CADM2: variants seen among roughly 807,000 people sequenced by gnomAD.
CADM2 encodes the protein cell adhesion molecule 2.
CADM2 carries 12 observed loss-of-function variants against 49.8 expected under a neutral mutation model. That is an observed-to-expected ratio of 0.24 (90% CI 0.15 to 0.39). The LOEUF (loss-of-function observed/expected upper bound fraction) is 0.39, where lower values mean the gene tolerates loss of function less well. CADM2 is among the 10% of genes least tolerant of loss of function. The pLI is 1.00. For synonymous variants in CADM2, 214 were observed against 175.4 expected (o/e 1.22, Z -1.74); for missense variants, 378 against 492.3 (o/e 0.77, Z 2.20).
chr3:85,422,768 C>T (rs897743910), intron 1 of CADM2, among the ~76,000 whole-genome samples: 5 of 151,944 alleles, frequency 3.3e-5, no homozygotes, highest in African/African-American at 4.8e-5. Context: ...TGGCTGGGCT[C>T]AAACCCCTTA....
intron 8 of CADM2, among the ~76,000 whole-genome samples, chr3:85,962,607 A>C (rs1311797020): frequency 6.6e-6 from 1 of 151,970 alleles, no homozygotes; most frequent in Admixed American, 6.6e-5. Context: ...AGATATTGTT[A>C]GATGGAGATG....
At chr3:85,012,124 T>C (rs924344033) in intron 1 of CADM2, among the ~76,000 whole-genome samples, 3 of 151,440 alleles carry the variant, frequency 2.0e-5, no homozygotes, top group African/African-American at 7.3e-5. Context: ...AAACTGATTT[T>C]TCAGTAATAA....
intron 1 of CADM2, among the ~76,000 whole-genome samples, chr3:85,105,610 C>T (rs1326444963): frequency 1.3e-5 from 2 of 152,092 alleles, no homozygotes; most frequent in African/African-American, 2.4e-5. Context: ...ACCCAAGGGA[C>T]TATAAATCAT....
intron 1 of CADM2, among the ~76,000 whole-genome samples, chr3:84,993,932 C>G (rs889004812): frequency 6.6e-6 from 1 of 152,062 alleles, no homozygotes; most frequent in Non-Finnish European, 1.5e-5. Flanking sequence ...TGATACACCC[C>G]CAAAATAGTA....
Position 85,663,703 on chromosome 3 carries a change from G to C in CADM2, c.62-62819G>C, listed in dbSNP as rs145837701. Among the ~76,000 whole-genome samples the C allele has an allele frequency of 2.2e-3, 327 of 152,034 alleles. 1 individual carries two copies. Among genetic ancestry groups the C allele is most frequent in the African/African-American group, 6.9e-3 (287 of 41,486 alleles). The stretch of plus-strand genomic sequence containing the variant: ...CATCAGATGTTTTCAACTTCCCACA[G>C]GATCTTTCTTAACAGCATAAAAGCA... On this transcript the variant is annotated intron_variant, in intron 1 of 9. Coordinates refer to ENST00000383699, the MANE Select transcript of CADM2 (RefSeq NM_001167675.2).
At chr3:85,683,311 T>C (rs943977942) in intron 1 of CADM2, among the ~76,000 whole-genome samples, 12 of 152,278 alleles carry the variant, frequency 7.9e-5, no homozygotes, top group African/African-American at 2.4e-4. Context: ...TTATTCAGAA[T>C]TACCCTAACA....
At chr3:85,033,359 C>G (rs1163758539) in intron 1 of CADM2, among the ~76,000 whole-genome samples, 1 of 152,118 alleles carries the variant, frequency 6.6e-6, no homozygotes, top group African/African-American at 2.4e-5. Flanking sequence ...TGTGTTTACA[C>G]TGTTTTCTTT....
intron 1 of CADM2, among the ~76,000 whole-genome samples, chr3:85,398,100 C>T (rs1359855353): frequency 6.6e-6 from 1 of 152,000 alleles, no homozygotes; most frequent in Non-Finnish European, 1.5e-5. Context: ...TGGTGTGCTG[C>T]ACCCATTAAC....
chr3:85,876,510 A>G (rs967293892), intron 3 of CADM2, among the ~76,000 whole-genome samples: 2 of 152,154 alleles, frequency 1.3e-5, no homozygotes, highest in Non-Finnish European at 2.9e-5. Context: ...TTCATGTCCA[A>G]TGGGTGAACT....
intron 1 of CADM2, among the ~76,000 whole-genome samples, chr3:85,107,178 TTAAA>T (rs2038260074): frequency 6.6e-6 from 1 of 152,186 alleles, no homozygotes; most frequent in African/African-American, 2.4e-5. Flanking sequence ...ATTGATACTC[TTAAA>T]TAAATTTATG....
intron 1 of CADM2, among the ~76,000 whole-genome samples, chr3:85,220,752 G>A (rs983852253): frequency 6.6e-6 from 1 of 152,064 alleles, no homozygotes; most frequent in Non-Finnish European, 1.5e-5. Context: ...ACCGCCTTAG[G>A]AGAAATGATC....
intron 9 of CADM2, among the ~76,000 whole-genome samples, chr3:86,066,183 T>C (rs1482172789): frequency 6.6e-6 from 1 of 151,618 alleles, no homozygotes; most frequent in Non-Finnish European, 1.5e-5. Flanking sequence ...AAGTTTGACA[T>C]GACCGTTTTT....
chr3:85,399,059 A>G (rs1249458041), intron 1 of CADM2, among the ~76,000 whole-genome samples: 1 of 152,122 alleles, frequency 6.6e-6, no homozygotes, highest in Non-Finnish European at 1.5e-5. Context: ...TTGGTGTTTT[A>G]GACATGAAGT....
intron 3 of CADM2, 48 bp from the exon 4 acceptor site, chr3:85,883,243 A>T (rs1471534532): frequency 6.7e-7 from 1 of 1,493,330 alleles, no homozygotes; most frequent in Non-Finnish European, 9.2e-7. Context: ...AAAAATACTG[A>T]CTGTTTCTGA....
At chr3:85,649,482 A>G (rs1298872777) in intron 1 of CADM2, among the ~76,000 whole-genome samples, 1 of 152,190 alleles carries the variant, frequency 6.6e-6, no homozygotes, top group African/African-American at 2.4e-5. Flanking sequence ...TAAAGAAAAC[A>G]TATTCTAAAA....
chr3:85,681,453 A>G (rs986107745), intron 1 of CADM2, among the ~76,000 whole-genome samples: 1 of 152,142 alleles, frequency 6.6e-6, no homozygotes, highest in African/African-American at 2.4e-5. Context: ...AAATTTAATG[A>G]ACATATTGAA....
chr3:85,474,874 C>G (rs1030207991), intron 1 of CADM2, among the ~76,000 whole-genome samples: 1 of 151,740 alleles, frequency 6.6e-6, no homozygotes, highest in Admixed American at 6.6e-5. Flanking sequence ...CACCTCCTTC[C>G]TGGTCAATAA....
chr3:85,802,094 G>C lies in CADM2; in HGVS notation c.136G>C (p.Gly46Arg). The change falls in exon 3 of 10, where the codon GGT (glycine) becomes CGT (arginine). Residue 46 changes from glycine (G) to arginine (R), a missense_variant. Gly to Arg is a moderately radical substitution (Grantham distance 125). Coordinates refer to ENST00000383699, the MANE Select transcript of CADM2 (RefSeq NM_001167675.2). ...AACACAGAATGTAACCGTTGTTGAA[G>C]GTGGAACTGCAATTTTGACCTGCAG... ...PLTQNVTVVE[G>R]GTAILTCRVD... 6.2e-7 allele frequency: 1 copy of C among 1,613,146 alleles called. No homozygotes were observed. The highest frequency in any genetic ancestry group is 2.2e-5 in the East Asian group (1 of 44,790).
At chr3:86,041,008 A>T (rs1735833257) in intron 8 of CADM2, among the ~76,000 whole-genome samples, 1 of 152,170 alleles carries the variant, frequency 6.6e-6, no homozygotes, top group African/African-American at 2.4e-5. Flanking sequence ...GAGAAATAAA[A>T]TACTTTACAG....
Sources: allele counts gnomAD v4.1 joint callset (sites outside exome capture counted in the v4.1 genomes callset), GRCh38; gene constraint gnomAD v4.1.1; transcripts MANE v1.5; gene names NCBI Gene and HGNC (gene_info 2026-07-23, HGNC 2026-07-21).